AGAP3: variants seen among roughly 807,000 people sequenced by gnomAD.
AGAP3 encodes the protein ArfGAP with GTPase domain, ankyrin repeat and PH domain 3, also known as arf-GAP with GTPase, ANK repeat and PH domain-containing protein 3.
AGAP3 carries 24 observed loss-of-function variants against 96.9 expected under a neutral mutation model. The ratio of observed to expected loss-of-function variants is 0.25; its 90% CI spans 0.18 to 0.35. The LOEUF (loss-of-function observed/expected upper bound fraction) is 0.35. Among genes scored for constraint, AGAP3 ranks in the 10% least tolerant of loss-of-function variants. The probability of loss-of-function intolerance (pLI) is 1.00; values close to 1 mark genes in which losing one functional copy is unlikely to be tolerated. For missense variants in AGAP3, 876 were observed against 1,254.2 expected, an observed-to-expected ratio of 0.70 and a Z score of 4.55; for synonymous variants, 563 against 536.1, an observed-to-expected ratio of 1.05 and a Z score of -0.69.
chr7:151,126,265 A>C (rs1435842488), intron 9 of AGAP3, among the ~76,000 whole-genome samples: 1 of 151,348 alleles, frequency 6.6e-6, no homozygotes, highest in African/African-American at 2.4e-5. Flanking sequence ...AGGTGCGGAG[A>C]CCCCTTCCCG....
Position 151,114,694 on chromosome 7 carries a change from CCCCGGCCGCGGCCCCGGCCCGGG to C in AGAP3, c.332-2095_332-2073del, listed in dbSNP as rs1799453422. 2.0e-6 allele frequency: 2 copies of C among 994,314 alleles called. No homozygotes were observed. Among genetic ancestry groups the C allele is most frequent in the Non-Finnish European group, 2.4e-6 (2 of 836,136 alleles). The allele number at this position is 994,314 out of a possible 1,614,324, so 61.6% of individuals were successfully genotyped here. On this transcript the variant is annotated intron_variant, in intron 1 of 17. Coordinates refer to ENST00000397238, the MANE Select transcript of AGAP3 (RefSeq NM_031946.7). The surrounding 1 kb of genome is among the most constrained non-coding windows in gnomAD (Gnocchi z 4.4). ...TGCCCAGAGGCCGGAGGTCCGTGCG[CCCCGGCCGCGGCCCCGGCCCGGG>C]CCCAGCCCCGTGCCCCTCGCCATGG...
At position 151,086,902 on chromosome 7, in the gene AGAP3, C is replaced by G. The variant is rs1366813918; in HGVS notation, c.161C>G (p.Ala54Gly). 6.8e-7 allele frequency: 1 copy of G among 1,464,814 alleles called. No homozygotes were observed. The allele number at this position is 1,464,814 out of a possible 1,614,324, so 90.7% of individuals were successfully genotyped here. A position where few individuals can be genotyped will look rare whatever the true frequency, so the allele number is the denominator to read the frequency against. ...GGCGGCGGCCCCTCGCAGCAGCTGG[C>G]CGGCGGGCCCCCCCAGCAGTTCGCG... ...GGGGGPSQQL[A>G]GGPPQQFALS... Residue 54 changes from alanine (A) to glycine (G), a missense_variant, in exon 1 of 18, where the codon GCC becomes GGC. Transcript: ENST00000397238.
chr7:151,088,454 G>T (rs763425143), intron 1 of AGAP3, among the ~76,000 whole-genome samples: 23 of 152,324 alleles, frequency 1.5e-4, no homozygotes, highest in Non-Finnish European at 2.9e-4. Context: ...GCATTTGTGC[G>T]AGCCCTGGGC....
intron 1 of AGAP3, among the ~76,000 whole-genome samples, chr7:151,109,958 G>T (rs920368567): frequency 6.6e-6 from 1 of 152,226 alleles, no homozygotes; most frequent in African/African-American, 2.4e-5. Context: ...AGCACCTTTA[G>T]CTGGAAGCTG....
intron 1 of AGAP3, among the ~76,000 whole-genome samples, chr7:151,101,212 C>A (rs1798822388): frequency 6.6e-6 from 1 of 152,266 alleles, no homozygotes; most frequent in African/African-American, 2.4e-5. Context: ...CTCCTTACTT[C>A]TGTAGTGGGT....
Position 151,143,331 on chromosome 7 carries a change from G to A in AGAP3, c.2274-10G>A. On this transcript the variant is annotated splice_polypyrimidine_tract_variant and intron_variant, in intron 16 of 17. Coordinates refer to ENST00000397238, the MANE Select transcript of AGAP3 (RefSeq NM_031946.7). The surrounding 1 kb of genome is among the most constrained non-coding windows in gnomAD (Gnocchi z 5.9). Reference sequence around the variant, plus strand: ...CCTTGGCTCATGCCCTGATGGGCCTGTGGTTGCAGAGAGGAGAAGGAACGC... The same window carrying A: ...CCTTGGCTCATGCCCTGATGGGCCTATGGTTGCAGAGAGGAGAAGGAACGC... The A allele has an allele frequency of 2.5e-6, 4 of 1,604,302 alleles. No individual in the cohort carries two copies. Among genetic ancestry groups the A allele is most frequent in the Non-Finnish European group, 2.6e-6 (3 of 1,173,808 alleles).
chr7:151,116,913 C>T (rs905205397), intron 2 of AGAP3, 62 bp downstream of exon 2: 46 of 1,600,118 alleles, frequency 2.9e-5, no homozygotes, highest in East Asian at 1.6e-4. Flanking sequence ...CTGGGTGCCG[C>T]GGGCCTGGGC....
intron 1 of AGAP3, among the ~76,000 whole-genome samples, chr7:151,097,058 G>A (rs762001641): frequency 2.6e-5 from 4 of 152,024 alleles, no homozygotes; most frequent in East Asian, 3.9e-4. Flanking sequence ...GTGCTGGGAC[G>A]ACAGGCGTGA....
intron 1 of AGAP3, among the ~76,000 whole-genome samples, chr7:151,110,041 G>A (rs1030012209): frequency 6.6e-6 from 1 of 152,246 alleles, no homozygotes; most frequent in African/African-American, 2.4e-5. Context: ...AGGTGCCAGA[G>A]GCTGAACTTG....
In AGAP3 at chr7:151,118,361, G is replaced by A. The variant is rs1173112424; in HGVS notation, c.841+17G>A. The A allele has an allele frequency of 1.2e-6, 2 of 1,604,930 alleles. No homozygotes were observed. On this transcript the variant is annotated intron_variant, in intron 6 of 17. Coordinates refer to ENST00000397238, the MANE Select transcript of AGAP3 (RefSeq NM_031946.7). The surrounding 1 kb of genome is among the most constrained non-coding windows in gnomAD (Gnocchi z 6.1). ...TCCAGGACGGTAACTCGGGTGCCGG[G>A]TGGGAGTCACTGGCAGCCGCGGCCC...
rs1327932241 is a variant in AGAP3, at chr7:151,117,692, T to C, written c.621T>C (p.Ser207=). ...VFVFSLEDEI[S]FQTVYNYFLR... ...TGTTCAGCCTGGAGGATGAAATCAGTTTCCAGACGGTGTACAACTACTTCC... is the reference window on the plus strand; with the variant it reads ...TGTTCAGCCTGGAGGATGAAATCAGCTTCCAGACGGTGTACAACTACTTCC... Residue 207 remains serine, a synonymous_variant, in exon 5 of 18, where the codon AGT becomes AGC. Transcript: ENST00000397238. 14 of 1,614,186 alleles carry C rather than the reference T, an allele frequency of 8.7e-6. No homozygotes were observed. Among genetic ancestry groups the C allele is most frequent in the Non-Finnish European group, 1.1e-5 (13 of 1,180,016 alleles).
intron 10 of AGAP3, chr7:151,131,073 A>T (rs1800384402): frequency 6.6e-6 from 1 of 152,294 alleles, no homozygotes; most frequent in Non-Finnish European, 1.5e-5. Flanking sequence ...CCTCTCCAGC[A>T]AGGGTCTCGC....
Position 151,115,467 on chromosome 7 carries a change from G to T in AGAP3, c.332-1326G>T, listed in dbSNP as rs997225350. On this transcript the variant is annotated intron_variant, in intron 1 of 17. Coordinates refer to ENST00000397238, the MANE Select transcript of AGAP3 (RefSeq NM_031946.7). ...CCTAGGCGCCTTCCCCAGCCGCCGC[G>T]ACCTGCTGGGCTCCGACGCCCCGCG... The T allele has an allele frequency of 1.3e-4, 133 of 1,015,560 alleles. No individual in the cohort carries two copies. In the African/African-American group the frequency reaches 2.2e-3, roughly 17 times the overall value. 62.9% of individuals were successfully genotyped at this position (1,015,560 alleles called of 1,614,324 possible).
intron 9 of AGAP3, among the ~76,000 whole-genome samples, chr7:151,124,623 C>T (rs558172342): frequency 3.3e-4 from 50 of 152,280 alleles, no homozygotes; most frequent in Non-Finnish European, 5.7e-4. Context: ...GCCGTACTGC[C>T]AGGTTTTGAC....
At chr7:151,101,950 G>T (rs1373788801) in intron 1 of AGAP3, among the ~76,000 whole-genome samples, 2 of 152,160 alleles carry the variant, frequency 1.3e-5, no homozygotes, top group Non-Finnish European at 2.9e-5. Flanking sequence ...TTCTGAACCT[G>T]GGGGCAGTGG....
At chr7:151,131,466 G>A (rs1439755161) in intron 10 of AGAP3, among the ~76,000 whole-genome samples, 3 of 152,164 alleles carry the variant, frequency 2.0e-5, no homozygotes, top group Non-Finnish European at 4.4e-5. Flanking sequence ...AAAGGCAGCC[G>A]TGGTGACCGC....
intron 8 of AGAP3, chr7:151,123,395 C>T (rs1020471174): frequency 1.9e-6 from 2 of 1,077,536 alleles, no homozygotes; most frequent in Non-Finnish European, 2.3e-6. Flanking sequence ...GTGTCTGTGC[C>T]GCAGACGGGC....
At chr7:151,117,073 C>T in intron 2 of AGAP3, 22 bp from the exon 3 acceptor site, 2 of 1,610,756 alleles carry the variant, frequency 1.2e-6, no homozygotes, top group Non-Finnish European at 1.7e-6. Context: ...CTCTGACCCA[C>T]TCACCCCTTC....
intron 1 of AGAP3, chr7:151,115,480 C>T (rs1373825612): frequency 9.8e-7 from 1 of 1,016,334 alleles, no homozygotes. Flanking sequence ...CTGCTGGGCT[C>T]CGACGCCCCG....
Sources: allele counts gnomAD v4.1 joint callset (sites outside exome capture counted in the v4.1 genomes callset), GRCh38; gene constraint gnomAD v4.1.1; non-coding constraint Gnocchi (gnomAD v3.1); transcripts MANE v1.5; gene names NCBI Gene and HGNC (gene_info 2026-07-23, HGNC 2026-07-21).